The following MYL12A variants were observed in gnomAD, a reference collection of about 807,000 sequenced individuals.
MYL12A encodes myosin light chain 12A, also known as myosin regulatory light chain 12A.
In MYL12A, 11 loss-of-function variants were observed where a neutral mutation model predicts 13.3. The observed-to-expected ratio is 0.83, with a 90% confidence interval of 0.52 to 1.37. The LOEUF (loss-of-function observed/expected upper bound fraction) is 1.37, where lower values mean the gene tolerates loss of function less well. MYL12A is among the 40% of genes most tolerant of loss of function. The pLI, the probability that MYL12A is intolerant of heterozygous loss-of-function variation, is 0.00. For synonymous variants in MYL12A, 51 were observed against 69.9 expected (o/e 0.73, Z 1.35); for missense variants, 146 against 212.3 (o/e 0.69, Z 1.94).
Position 3,254,067 on chromosome 18 carries a change from C to T in MYL12A, c.343+17C>T. ...AAGCAACTGGTAAGTGAGAGGTAAC[C>T]TTTAATTATAAAGTGATTTAATTTT... On this transcript the variant is annotated intron_variant, in intron 3 of 3. Coordinates refer to ENST00000217652, the MANE Select transcript of MYL12A (RefSeq NM_006471.4). 6.2e-7 allele frequency: 1 copy of T among 1,602,602 alleles called. No homozygotes were observed. Among genetic ancestry groups the T allele is most frequent in the Non-Finnish European group, 8.5e-7 (1 of 1,176,882 alleles).
intron 1 of MYL12A, chr18:3,248,710 A>G (rs1016631571): frequency 2.0e-5 from 3 of 152,224 alleles, no homozygotes; most frequent in East Asian, 3.8e-4. Context: ...CTCTATTTTC[A>G]AAAGCGAGGC....
chr18:3,247,672 C>T (rs1003648855), upstream of MYL12A: 2 of 152,324 alleles, frequency 1.3e-5, no homozygotes, highest in African/African-American at 4.8e-5. Flanking sequence ...CTTTACACTT[C>T]CTTCTCATGC....
intron 1 of MYL12A, chr18:3,252,528 CT>C: frequency 2.6e-6 from 3 of 1,167,242 alleles, no homozygotes; most frequent in Non-Finnish European, 3.4e-6. Flanking sequence ...TTTTCTAAAA[CT>C]TTTAAAATTA....
At chr18:3,251,090 A>G (rs533217844) in intron 1 of MYL12A, among the ~76,000 whole-genome samples, 2 of 151,556 alleles carry the variant, frequency 1.3e-5, no homozygotes, top group Non-Finnish European at 2.9e-5. Context: ...AAGATTAAGT[A>G]TTGAATGTGC....
chr18:3,254,728 G>A (rs1308403735), intron 3 of MYL12A, among the ~76,000 whole-genome samples: 4 of 152,216 alleles, frequency 2.6e-5, no homozygotes, highest in African/African-American at 9.7e-5. Flanking sequence ...ATCTATATAG[G>A]GGCCTGATCC....
chr18:3,250,480 G>A (rs548416014), intron 1 of MYL12A, among the ~76,000 whole-genome samples: 1 of 152,192 alleles, frequency 6.6e-6, no homozygotes, highest in Non-Finnish European at 1.5e-5. Context: ...TTTTAGTTTG[G>A]TAGGGAAAAA....
intron 1 of MYL12A, chr18:3,252,232 G>A (rs2081493106): frequency 1.8e-6 from 2 of 1,102,354 alleles, no homozygotes; most frequent in Admixed American, 4.8e-5. Flanking sequence ...GCCTATTTTA[G>A]ACCTGCTTGG....
rs768210437 is a variant in MYL12A, at chr18:3,253,474, G to T, written c.181+46G>T. On this transcript the variant is annotated intron_variant, in intron 2 of 3. Transcript: ENST00000217652. ...TAATCTATTGGATAGAATTTCCATGGTGCCTTTCATCTTGATTTCATGAGT... is the reference window on the plus strand; with the variant it reads ...TAATCTATTGGATAGAATTTCCATGTTGCCTTTCATCTTGATTTCATGAGT... 3.6e-5 allele frequency: 57 copies of T among 1,586,078 alleles called. No individual in the cohort carries two copies. In the East Asian group the frequency reaches 1.3e-3, roughly 36 times the overall value.
rs1052839953 is a variant in MYL12A at position 3,254,050 on chromosome 18, GGTAA to G, written c.343+3_343+6del. On this transcript the variant is annotated splice_donor_variant and splice_donor_region_variant and intron_variant, in intron 3 of 3. Transcript: ENST00000217652. LOFTEE classifies it high-confidence loss of function. ...TGCTTGCTTTGATGAAGAAGCAACT[GGTAA>G]GTGAGAGGTAACCTTTAATTATAAA... 13 of 1,610,904 alleles carry G rather than the reference GGTAA, an allele frequency of 8.1e-6. No homozygotes were observed. The highest frequency in any genetic ancestry group is 2.2e-5 in the East Asian group (1 of 44,856).
intron 3 of MYL12A, among the ~76,000 whole-genome samples, chr18:3,255,036 A>G (rs1419391552): frequency 6.6e-6 from 1 of 152,148 alleles, no homozygotes; most frequent in African/African-American, 2.4e-5. Flanking sequence ...TTTTATGAGA[A>G]CCCTGGTATC....
intron 1 of MYL12A, chr18:3,249,322 A>T (rs866186393): frequency 1.3e-5 from 2 of 152,096 alleles, no homozygotes; most frequent in Non-Finnish European, 2.9e-5. Flanking sequence ...AATCTAGTCT[A>T]ACATTTTCCT....
chr18:3,254,809 G>A (rs749067236), intron 3 of MYL12A, among the ~76,000 whole-genome samples: 6 of 152,242 alleles, frequency 3.9e-5, no homozygotes, highest in Non-Finnish European at 5.9e-5. Flanking sequence ...TCAACATGGC[G>A]TAGCCAAGTG....
In MYL12A at chr18:3,254,052, T is replaced by G; in HGVS notation, c.343+2T>G. 6.2e-7 allele frequency: 1 copy of G among 1,611,390 alleles called. No individual in the cohort carries two copies. Among genetic ancestry groups the G allele is most frequent in the Non-Finnish European group, 8.5e-7 (1 of 1,179,212 alleles). ...CTTGCTTTGATGAAGAAGCAACTGGTAAGTGAGAGGTAACCTTTAATTATA... is the reference window on the plus strand; with the variant it reads ...CTTGCTTTGATGAAGAAGCAACTGGGAAGTGAGAGGTAACCTTTAATTATA... On this transcript the variant is annotated splice_donor_variant, in intron 3 of 3. Transcript: ENST00000217652. LOFTEE classifies it high-confidence loss of function.
Position 3,253,425 on chromosome 18 carries a change from T to C in MYL12A, c.178T>C (p.Leu60=), listed in dbSNP as rs1483606732. Residue 60 remains leucine, a synonymous_variant, in exon 2 of 4, where the codon TTG becomes CTG. Coordinates refer to ENST00000217652, the MANE Select transcript of MYL12A (RefSeq NM_006471.4). ...AGATTTGCATGATATGCTTGCTTCA[T>C]TGGGTAATGCTCAGTTTAAATATTA... is the stretch of plus-strand genomic sequence containing the variant. ...KEDLHDMLAS[L]GKNPTDEYLD... is the part of the protein sequence containing the mutation. The C allele has an allele frequency of 1.9e-6, 3 of 1,613,310 alleles. No homozygotes were observed. The highest frequency in any genetic ancestry group is 1.1e-5 in the South Asian group (1 of 90,998).
chr18:3,251,308 AT>A (rs1567983545), intron 1 of MYL12A, among the ~76,000 whole-genome samples: 1 of 150,840 alleles, frequency 6.6e-6, no homozygotes, highest in Non-Finnish European at 1.5e-5. Context: ...ACCCTCGTAA[AT>A]TTAGTTATAT....
rs567860406 is a variant in MYL12A, at chr18:3,255,597, CTG to C, written c.344-147_344-146del. The C allele has an allele frequency of 3.2e-3, 3,076 of 961,356 alleles. 8 individuals are homozygous for C. Among genetic ancestry groups the C allele is most frequent in the Non-Finnish European group, 4.1e-3 (2,759 of 681,048 alleles). The allele number at this position is 961,356 out of a possible 1,614,324, so 59.6% of individuals were successfully genotyped here. A position where few individuals can be genotyped will look rare whatever the true frequency, so the allele number is the denominator to read the frequency against. The stretch of plus-strand genomic sequence containing the variant: ...TTTTCTAGGCACTTCTCTGCTGAGG[CTG>C]TTTTAAGTAGGTGGACACCCTGTAG... On this transcript the variant is annotated intron_variant, in intron 3 of 3. Coordinates refer to ENST00000217652, the MANE Select transcript of MYL12A (RefSeq NM_006471.4).
At chr18:3,252,459 T>A in intron 1 of MYL12A, 1 of 1,290,226 alleles carries the variant, frequency 7.8e-7, no homozygotes, top group Non-Finnish European at 1.0e-6. Flanking sequence ...AATTTTAACT[T>A]AAATTTTACC....
At chr18:3,253,109 T>C in intron 1 of MYL12A, 124 bp from the exon 2 acceptor site, 1 of 1,037,184 alleles carries the variant, frequency 9.6e-7, no homozygotes, top group Non-Finnish European at 1.4e-6. Flanking sequence ...AAGACACATT[T>C]CTGAGTAGCT....
intron 1 of MYL12A, among the ~76,000 whole-genome samples, chr18:3,251,752 T>C (rs1168129457): frequency 1.3e-5 from 2 of 152,184 alleles, no homozygotes; most frequent in Non-Finnish European, 2.9e-5. Context: ...GGCAGCATCC[T>C]AAAAGTTGAT....
Sources: gnomAD v4.1 joint callset for allele counts (sites outside exome capture counted in the v4.1 genomes callset) on GRCh38, gnomAD v4.1.1 for gene constraint, MANE v1.5 for transcripts, NCBI Gene and HGNC (gene_info 2026-07-23, HGNC 2026-07-21) for gene names.